SPEN: variants seen among roughly 807,000 people sequenced by gnomAD.
SPEN encodes the protein msx2-interacting protein.
SPEN carries 18 observed loss-of-function variants against 269.9 expected under a neutral mutation model. The ratio of observed to expected loss-of-function variants is 0.07; its 90% CI spans 0.05 to 0.10. SPEN has a LOEUF of 0.10. SPEN is among the 10% of genes least tolerant of loss of function. SPEN has a pLI of 1.00. For missense variants in SPEN, 3,822 were observed against 4,631.2 expected (o/e 0.83, Z 5.07); for synonymous variants, 1,726 against 1,765.7 (o/e 0.98, Z 0.56).
intron 3 of SPEN, among the ~76,000 whole-genome samples, chr1:15,888,413 T>G (rs557852038): frequency 2.0e-3 from 305 of 152,056 alleles, no homozygotes; most frequent in Non-Finnish European, 3.6e-3. Context: ...AGCCTCCACC[T>G]CCCAGGTTCA....
chr1:15,876,090 A>AAAATGACC (rs1052117385), intron 2 of SPEN, 112 bp from the exon 3 acceptor site: 2 of 792,534 alleles, frequency 2.5e-6, no homozygotes, highest in African/African-American at 3.5e-5. Context: ...TGCTGTTTAG[A>AAAATGACC]AAATGACCAG....
chr1:15,859,467 C>T (rs1408030127), intron 1 of SPEN, among the ~76,000 whole-genome samples: 25 of 150,000 alleles, frequency 1.7e-4, no homozygotes, highest in Non-Finnish European at 3.7e-4. Flanking sequence ...ACACCATTCT[C>T]CTGCCTCAGC....
intron 1 of SPEN, among the ~76,000 whole-genome samples, chr1:15,868,159 ATATT>A (rs2070533536): frequency 6.7e-6 from 1 of 150,330 alleles, no homozygotes; most frequent in African/African-American, 2.4e-5. Context: ...AAAATTATAT[ATATT>A]TATTTATTTA....
intron 1 of SPEN, among the ~76,000 whole-genome samples, chr1:15,867,860 T>C (rs1362498122): frequency 6.6e-6 from 1 of 151,990 alleles, no homozygotes; most frequent in Non-Finnish European, 1.5e-5. Context: ...TGTATCCGTA[T>C]ATGTGCTCTG....
rs903325080 is a variant in SPEN, at chr1:15,939,877, G to A, written c.*450G>A. The A allele has an allele frequency of 6.4e-5, 15 of 233,614 alleles. No homozygotes were observed. Among genetic ancestry groups the A allele is most frequent in the Admixed American group, 2.2e-4 (4 of 17,790 alleles). The allele number at this position is 233,614 out of a possible 1,614,324, so 14.5% of individuals were successfully genotyped here. A position where few individuals can be genotyped will look rare whatever the true frequency, so the allele number is the denominator to read the frequency against. Reference sequence around the variant, plus strand: ...TAGACACACATTGCAGACTCTTAACGCAGGAAGGACTTCAAACTTCTGCTG... The same window carrying A: ...TAGACACACATTGCAGACTCTTAACACAGGAAGGACTTCAAACTTCTGCTG... On this transcript the variant is annotated 3_prime_UTR_variant, in exon 15 of 15. Transcript: ENST00000375759. The surrounding 1 kb of genome is among the most constrained non-coding windows in gnomAD (Gnocchi z 4.1).
intron 3 of SPEN, among the ~76,000 whole-genome samples, chr1:15,891,648 C>T (rs1485507277): frequency 6.6e-6 from 1 of 152,016 alleles, no homozygotes; most frequent in African/African-American, 2.4e-5. Flanking sequence ...CCGCGCCCGG[C>T]CTTGTTTTTT....
In SPEN at chr1:15,932,289, G is replaced by T; in HGVS notation, c.6049G>T (p.Val2017Leu). 6.2e-7 allele frequency: 1 copy of T among 1,607,634 alleles called. No individual in the cohort carries two copies. Among genetic ancestry groups the T allele is most frequent in the East Asian group, 2.2e-5 (1 of 44,814 alleles). ...DATRPEATTE[V>L]GPQIGVKESS... ...TACACGTCCTGAGGCCACCACTGAGGTGGGCCCCCAAATAGGCGTGAAAGA... is the reference window on the plus strand; with the variant it reads ...TACACGTCCTGAGGCCACCACTGAGTTGGGCCCCCAAATAGGCGTGAAAGA... The change falls in exon 11 of 15, where the codon GTG becomes TTG. Residue 2017 changes from valine (V) to leucine (L), a missense_variant. By Grantham distance (32) the Val-to-Leu change is conservative. Transcript: ENST00000375759. This position sits in a 1 kb window ranked among gnomAD's most constrained non-coding sequence, Gnocchi z 4.2.
chr1:15,850,497 TCTC>T (rs1420784222), intron 1 of SPEN, among the ~76,000 whole-genome samples: 1 of 151,634 alleles, frequency 6.6e-6, no homozygotes, highest in Admixed American at 6.6e-5. Context: ...CAGAGAAAAA[TCTC>T]CACCCCTGAC....
At position 15,930,367 on chromosome 1, in the gene SPEN, G is replaced by A. The variant is rs772778845; in HGVS notation, c.4127G>A (p.Gly1376Asp). Residue 1376 changes from glycine to aspartate, a missense_variant, in exon 11 of 15, where the codon GGT becomes GAT. By Grantham distance (94) the Gly-to-Asp change is moderately conservative. This residue lies in a region of SPEN where 267 missense variants were observed against 315.5 expected (regional missense o/e 0.85). Coordinates refer to ENST00000375759, the MANE Select transcript of SPEN (RefSeq NM_015001.3). The surrounding 1 kb of genome is among the most constrained non-coding windows in gnomAD (Gnocchi z 5.3). ...RKRSVRDLEP[G>D]EVPSDSDEDG... ...AGGTCTGTACGAGATCTGGAACCTG[G>A]TGAGGTGCCTTCTGATTCTGACGAA... The A allele has an allele frequency of 6.2e-7, 1 of 1,613,392 alleles. No homozygotes were observed. Among genetic ancestry groups the A allele is most frequent in the Non-Finnish European group, 8.5e-7 (1 of 1,179,434 alleles).
chr1:15,900,065 T>G (rs1297995201), intron 3 of SPEN, among the ~76,000 whole-genome samples: 1 of 152,074 alleles, frequency 6.6e-6, no homozygotes, highest in Non-Finnish European at 1.5e-5. Context: ...AGGGTGGTCT[T>G]GAACTCCTGA....
At position 15,940,214 on chromosome 1, in the gene SPEN, T is replaced by C. The variant is rs564136548; in HGVS notation, c.*787T>C. The C allele has an allele frequency of 4.7e-5, 11 of 232,266 alleles. No individual in the cohort carries two copies. The highest frequency in any genetic ancestry group is 7.7e-5 in the Non-Finnish European group (9 of 117,202). The allele number at this position is 232,266 out of a possible 1,614,324, so 14.4% of individuals were successfully genotyped here. On this transcript the variant is annotated 3_prime_UTR_variant, in exon 15 of 15. Coordinates refer to ENST00000375759, the MANE Select transcript of SPEN (RefSeq NM_015001.3). Reference sequence around the variant, plus strand: ...TTCAGAGGAAATCTTATTTTCATATTCAGACTTTGTATTGCCCACTCATTT... The same window carrying C: ...TTCAGAGGAAATCTTATTTTCATATCCAGACTTTGTATTGCCCACTCATTT...
In SPEN at chr1:15,931,796, C is replaced by A. The variant is rs149208520; in HGVS notation, c.5556C>A (p.Leu1852=). The A allele has an allele frequency of 1.8e-5, 29 of 1,614,200 alleles. No homozygotes were observed. Among genetic ancestry groups the A allele is most frequent in the Non-Finnish European group, 2.4e-5 (28 of 1,180,042 alleles). Residue 1852 remains leucine (L), a synonymous_variant, in exon 11 of 15, where the codon CTC becomes CTA. Coordinates refer to ENST00000375759, the MANE Select transcript of SPEN (RefSeq NM_015001.3). The surrounding 1 kb of genome is among the most constrained non-coding windows in gnomAD (Gnocchi z 4.8). ...RKSERIDREK[L]KRSNSPRGEA... ...GTGAGAGGATAGACCGGGAAAAACTCAAGCGGTCCAATTCTCCTCGGGGAG... is the reference window on the plus strand; with the variant it reads ...GTGAGAGGATAGACCGGGAAAAACTAAAGCGGTCCAATTCTCCTCGGGGAG...
At position 15,933,630 on chromosome 1, in the gene SPEN, G is replaced by A. The variant is rs1185220287; in HGVS notation, c.7390G>A (p.Asp2464Asn). 4 of 1,614,028 alleles carry A rather than the reference G, an allele frequency of 2.5e-6. No individual in the cohort carries two copies. The highest frequency in any genetic ancestry group is 3.4e-6 in the Non-Finnish European group (4 of 1,179,988). ...AAGTGACCCGGTGACCCCACCCAGC[G>A]ATCCAAGCATCCCCATACCCACACT... ...IESDPVTPPS[D>N]PSIPIPTLPS... Residue 2464 changes from aspartate (D) to asparagine (N), a missense_variant, in exon 11 of 15, where the codon GAT becomes AAT. Transcript: ENST00000375759. The surrounding 1 kb of genome is among the most constrained non-coding windows in gnomAD (Gnocchi z 5.7).
chr1:15,932,068 C>T lies in SPEN; in HGVS notation c.5828C>T (p.Ala1943Val), dbSNP rs764002157. ...RLERELQEAA[A>V]VPTTPRRGRP... Reference sequence around the variant, plus strand: ...GAGCGAGAGCTTCAGGAGGCTGCAGCGGTTCCCACCACCCCTCGGAGGGGA... The same window carrying T: ...GAGCGAGAGCTTCAGGAGGCTGCAGTGGTTCCCACCACCCCTCGGAGGGGA... The change falls in exon 11 of 15, where the codon GCG (alanine) becomes GTG (valine). Residue 1943 changes from alanine to valine, a missense_variant. Physicochemically the swap from Ala to Val is moderately conservative, Grantham distance 64 (BLOSUM62 0). This residue lies in a region of SPEN where 533 missense variants were observed against 618.8 expected (regional missense o/e 0.86). Coordinates refer to ENST00000375759, the MANE Select transcript of SPEN (RefSeq NM_015001.3). This position sits in a 1 kb window ranked among gnomAD's most constrained non-coding sequence, Gnocchi z 4.2. 1.8e-5 allele frequency: 29 copies of T among 1,613,968 alleles called. No individual in the cohort carries two copies. Among genetic ancestry groups the T allele is most frequent in the Middle Eastern group, 1.6e-4 (1 of 6,084 alleles).
chr1:15,851,682 G>A (rs538546567), intron 1 of SPEN, among the ~76,000 whole-genome samples: 3 of 152,126 alleles, frequency 2.0e-5, no homozygotes, highest in East Asian at 3.9e-4. Flanking sequence ...GTAGCCCCTC[G>A]TGTAAAAATA....
At chr1:15,873,966 T>C in intron 2 of SPEN, 2 of 1,196,530 alleles carry the variant, frequency 1.7e-6, no homozygotes, top group South Asian at 3.1e-5. Context: ...GATGATCAGT[T>C]GTGGATACAG....
In SPEN at chr1:15,935,887, T is replaced by C. The variant is rs1387643577; in HGVS notation, c.9647T>C (p.Val3216Ala). ...VSEQPRAADG[V>A]VKVPPASKAP... The stretch of plus-strand genomic sequence containing the variant: ...GAGCAGCCCAGGGCCGCGGATGGGG[T>C]GGTGAAGGTGCCACCAGCCAGCAAG... The change falls in exon 11 of 15, where the codon GTG becomes GCG. Residue 3216 changes from valine to alanine, a missense_variant. By Grantham distance (64) the Val-to-Ala change is moderately conservative (BLOSUM62 0). This residue lies in a region of SPEN where 359 missense variants were observed against 377.3 expected (regional missense o/e 0.95). Transcript: ENST00000375759. The surrounding 1 kb of genome is among the most constrained non-coding windows in gnomAD (Gnocchi z 7.7). The C allele has an allele frequency of 6.2e-7, 1 of 1,612,942 alleles. No homozygotes were observed. Among genetic ancestry groups the C allele is most frequent in the East Asian group, 2.2e-5 (1 of 44,826 alleles).
At position 15,933,263 on chromosome 1, in the gene SPEN, G is replaced by A; in HGVS notation, c.7023G>A (p.Lys2341=). 1.2e-6 allele frequency: 2 copies of A among 1,614,140 alleles called. No individual in the cohort carries two copies. The highest frequency in any genetic ancestry group is 1.6e-4 in the Middle Eastern group (1 of 6,062). The change falls in exon 11 of 15, where the codon AAG becomes AAA. Residue 2341 remains lysine, a synonymous_variant. Coordinates refer to ENST00000375759, the MANE Select transcript of SPEN (RefSeq NM_015001.3). This position sits in a 1 kb window ranked among gnomAD's most constrained non-coding sequence, Gnocchi z 5.7. ...AGAAAACAACCCGATCACGCCGCAA[G>A]CGAAACACAAACAAGAAAGTGGTGG... ...GRQKTTRSRR[K]RNTNKKVVAP...
At chr1:15,874,110 T>C (rs534117480) in intron 2 of SPEN, 2 of 1,360,194 alleles carry the variant, frequency 1.5e-6, no homozygotes, top group African/African-American at 3.0e-5. Context: ...GGGCTGGAAA[T>C]ATTTATGAAT....
Sources: allele counts gnomAD v4.1 joint callset (sites outside exome capture counted in the v4.1 genomes callset), GRCh38; gene constraint gnomAD v4.1.1; regional missense constraint gnomAD v4.1.1; non-coding constraint Gnocchi (gnomAD v3.1); transcripts MANE v1.5; gene names NCBI Gene and HGNC (gene_info 2026-07-23, HGNC 2026-07-21).